The following TCEA1 variants were observed in gnomAD, a reference collection of about 807,000 sequenced individuals.
TCEA1 encodes transcription elongation factor A1.
In TCEA1, 21 loss-of-function variants were observed where a neutral mutation model predicts 43.8. The ratio of observed to expected loss-of-function variants is 0.48; its 90% CI spans 0.34 to 0.69. The LOEUF is 0.69. Ranked by LOEUF, TCEA1 falls within the 30% of genes least tolerant of loss-of-function variation. The pLI, the probability that TCEA1 is intolerant of heterozygous loss-of-function variation, is 0.01. For missense variants in TCEA1, 250 were observed against 365.1 expected (o/e 0.68, Z 2.57); for synonymous variants, 104 against 117.5 (o/e 0.88, Z 0.75).
At chr8:53,969,905 A>G (rs775109695) in intron 9 of TCEA1, among the ~76,000 whole-genome samples, 15 of 152,216 alleles carry the variant, frequency 9.9e-5, no homozygotes, top group Non-Finnish European at 1.5e-4. Context: ...ACTAATTTCA[A>G]GAGCACACAG....
chr8:53,973,859 A>G (rs1803241640), intron 8 of TCEA1: 1 of 355,970 alleles, frequency 2.8e-6, no homozygotes, highest in African/African-American at 2.2e-5. Context: ...AACAGAAAAA[A>G]CAAGAACTTA....
At chr8:53,975,472 T>G (rs1563464922) in intron 8 of TCEA1, among the ~76,000 whole-genome samples, 6 of 152,110 alleles carry the variant, frequency 3.9e-5, no homozygotes, top group African/African-American at 9.7e-5. Flanking sequence ...TCACAATAGC[T>G]AAAAAGTAGA....
intron 8 of TCEA1, among the ~76,000 whole-genome samples, chr8:53,974,922 T>A (rs1222318552): frequency 1.3e-5 from 2 of 151,310 alleles, no homozygotes; most frequent in Non-Finnish European, 3.0e-5. Context: ...TAATTTGAAA[T>A]ATATATATAT....
At chr8:53,987,109 A>G (rs1039753659) in intron 5 of TCEA1, 84 bp from the exon 6 acceptor site, 1 of 1,154,910 alleles carries the variant, frequency 8.7e-7, no homozygotes, top group Non-Finnish European at 1.2e-6. Flanking sequence ...CTGCATTCCT[A>G]TTTCTTAAAC....
intron 4 of TCEA1, among the ~76,000 whole-genome samples, chr8:53,992,731 T>A (rs1803919409): frequency 6.6e-6 from 1 of 152,186 alleles, no homozygotes; most frequent in Non-Finnish European, 1.5e-5. Flanking sequence ...GACCACACTT[T>A]CAAGAACCAT....
intron 8 of TCEA1, chr8:53,973,087 C>G (rs562299867): frequency 3.0e-6 from 2 of 661,358 alleles, no homozygotes; most frequent in South Asian, 1.4e-5. Context: ...TTAGCTTCCT[C>G]TAGCGAAAAT....
chr8:53,989,107 TC>T (rs1803787925), intron 4 of TCEA1, among the ~76,000 whole-genome samples: 1 of 151,692 alleles, frequency 6.6e-6, no homozygotes, highest in African/African-American at 2.4e-5. Flanking sequence ...AAAACCTTGT[TC>T]CACTTAGACA....
At position 53,993,707 on chromosome 8, in the gene TCEA1, G is replaced by A. The variant is rs764311439; in HGVS notation, c.281C>T (p.Ala94Val). Residue 94 changes from alanine to valine, a missense_variant, in exon 4 of 10, where the codon GCA (alanine) becomes GTA (valine). Ala to Val is a moderately conservative substitution (Grantham distance 64, BLOSUM62 0). Transcript: ENST00000521604. ...KDLDEKKKEP[A>V]ITSQNSPEAR... ...CTCAGGGCTGTTCTGCGATGTAATT[G>A]CAGGTTCTTTCTTCTTTTCGTCAAG... 4 of 1,613,766 alleles carry A rather than the reference G, an allele frequency of 2.5e-6. No individual in the cohort carries two copies. In the East Asian group the frequency reaches 8.9e-5, roughly 36 times the overall value.
In TCEA1 at chr8:53,984,348, T is replaced by C; in HGVS notation, c.678+15A>G. 5 of 1,582,856 alleles carry C rather than the reference T, an allele frequency of 3.2e-6. No homozygotes were observed. Among genetic ancestry groups the C allele is most frequent in the Non-Finnish European group, 4.3e-6 (5 of 1,168,680 alleles). ...AGAATCACATTATAGAAACCTCAGA[T>C]TCACACATACTCACCTCTGCTGTCA... On this transcript the variant is annotated intron_variant, in intron 7 of 9. Transcript: ENST00000521604.
chr8:53,998,430 T>A (rs1303988620), intron 3 of TCEA1, among the ~76,000 whole-genome samples: 1 of 152,170 alleles, frequency 6.6e-6, no homozygotes, highest in Non-Finnish European at 1.5e-5. Context: ...ACATACTTTC[T>A]TCTATAGGAA....
Position 54,022,400 on chromosome 8 carries a change from G to C in TCEA1, c.-275C>G. ...GATCGCTGGTGAGGGGCGAGCCCAT[G>C]TTCCCGCCAGGCGGGCGTCGGGCTA... On this transcript the variant is annotated 5_prime_UTR_variant, in exon 1 of 10. Coordinates refer to ENST00000521604, the MANE Select transcript of TCEA1 (RefSeq NM_006756.4). 2.0e-6 allele frequency: 1 copy of C among 498,478 alleles called. No individual in the cohort carries two copies. Among genetic ancestry groups the C allele is most frequent in the Non-Finnish European group, 3.5e-6 (1 of 282,566 alleles). 30.9% of individuals were successfully genotyped at this position (498,478 alleles called of 1,614,324 possible).
intron 1 of TCEA1, among the ~76,000 whole-genome samples, chr8:54,016,094 C>T (rs1586041045): frequency 6.6e-6 from 1 of 152,202 alleles, no homozygotes; most frequent in Non-Finnish European, 1.5e-5. Flanking sequence ...TGCAGCCACA[C>T]TGGAAAGGTC....
At chr8:54,006,529 C>T (rs1008779715) in intron 2 of TCEA1, among the ~76,000 whole-genome samples, 1 of 152,076 alleles carries the variant, frequency 6.6e-6, no homozygotes, top group African/African-American at 2.4e-5. Context: ...ACAGGCTTTC[C>T]AAAGAAGGAA....
chr8:53,973,269 C>T (rs529944666), intron 8 of TCEA1: 5 of 484,308 alleles, frequency 1.0e-5, no homozygotes, highest in African/African-American at 5.9e-5. Flanking sequence ...GAAATGGAAA[C>T]GAAGTGGGTT....
At chr8:54,015,169 A>G (rs1336962286) in intron 1 of TCEA1, among the ~76,000 whole-genome samples, 1 of 145,014 alleles carries the variant, frequency 6.9e-6, no homozygotes, top group Non-Finnish European at 1.5e-5. Context: ...GAATTAAGAT[A>G]TTATCCATTT....
chr8:54,009,290 T>C (rs1188509263), intron 2 of TCEA1, among the ~76,000 whole-genome samples: 2 of 151,970 alleles, frequency 1.3e-5, no homozygotes, highest in Non-Finnish European at 2.9e-5. Context: ...AACTAAAAAT[T>C]GAAGTACCAT....
chr8:53,990,640 A>G (rs1181711351), intron 4 of TCEA1, among the ~76,000 whole-genome samples: 1 of 152,158 alleles, frequency 6.6e-6, no homozygotes, highest in Non-Finnish European at 1.5e-5. Flanking sequence ...CTGACATTAC[A>G]GGTGTGAGCC....
At chr8:53,975,765 T>G (rs550366995) in intron 8 of TCEA1, among the ~76,000 whole-genome samples, 1 of 152,234 alleles carries the variant, frequency 6.6e-6, no homozygotes, top group East Asian at 1.9e-4. Flanking sequence ...GTTTAATGGG[T>G]AAAGAGTTTC....
At chr8:53,989,013 A>G (rs1323690247) in intron 4 of TCEA1, among the ~76,000 whole-genome samples, 1 of 151,806 alleles carries the variant, frequency 6.6e-6, no homozygotes, top group Non-Finnish European at 1.5e-5. Context: ...GGTTTCAGTG[A>G]GCCAAGACTG....
Sources: gnomAD v4.1 joint callset for allele counts (sites outside exome capture counted in the v4.1 genomes callset) on GRCh38, gnomAD v4.1.1 for gene constraint, MANE v1.5 for transcripts, NCBI Gene and HGNC (gene_info 2026-07-23, HGNC 2026-07-21) for gene names.